The following XIAP variants were observed in gnomAD, a reference collection of about 807,000 sequenced individuals.
The protein encoded by XIAP is E3 ubiquitin-protein ligase XIAP.
In XIAP, 3 loss-of-function variants were observed where a neutral mutation model predicts 33.1. That is an observed-to-expected ratio of 0.09 (90% CI 0.04 to 0.23). XIAP has a LOEUF of 0.23. Ranked by LOEUF, XIAP falls within the 10% of genes least tolerant of loss-of-function variation. The pLI is 1.00. For missense variants in XIAP, 264 were observed against 363.0 expected, an observed-to-expected ratio of 0.73 and a Z score of 2.22; for synonymous variants, 98 against 121.3, an observed-to-expected ratio of 0.81 and a Z score of 1.26.
intron 5 of XIAP, among the ~76,000 whole-genome samples, chrX:123,897,086 C>T (rs991681005): frequency 2.8e-5 from 3 of 108,959 alleles, no homozygotes; most frequent in Admixed American, 9.9e-5. Flanking sequence ...CGTGCACCAC[C>T]ATGCCTGGCT....
At chrX:123,906,865 A>C in intron 6 of XIAP, 123 bp from the exon 7 acceptor site, 1 of 798,277 alleles carries the variant, frequency 1.3e-6, no homozygotes, top group Non-Finnish European at 1.8e-6. Context: ...CGGGTGAGTC[A>C]TCCTCATATC....
At chrX:123,866,352 C>T (rs1021298210) in intron 1 of XIAP, among the ~76,000 whole-genome samples, 13 of 103,664 alleles carry the variant, frequency 1.3e-4, no homozygotes, top group Non-Finnish European at 2.2e-4. Context: ...GGATTACAGG[C>T]ATGAGCCACT....
chrX:123,861,119 T>C (rs1393262150), intron 1 of XIAP, among the ~76,000 whole-genome samples: 1 of 111,637 alleles, frequency 9.0e-6, no homozygotes, highest in Non-Finnish European at 1.9e-5. Flanking sequence ...CATCTTAGAA[T>C]TATAACATTT....
In XIAP at chrX:123,910,182, T is replaced by A. The variant is rs765082277; in HGVS notation, c.*3001T>A. 7.7e-5 allele frequency: 25 copies of A among 326,533 alleles called. No individual in the cohort carries two copies. The highest frequency in any genetic ancestry group is 1.4e-4 in the Non-Finnish European group (23 of 169,352). 26.9% of individuals were successfully genotyped at this position (326,533 alleles called of 1,213,427 possible). ...CTGGTTTTAGCATTTACAAACTAAA[T>A]TCCAGTTAATTAATTAATAGCTTTA... is the stretch of plus-strand genomic sequence containing the variant. On this transcript the variant is annotated 3_prime_UTR_variant, in exon 7 of 7. Transcript: ENST00000371199.
chrX:123,883,710 G>A (rs987156897), intron 1 of XIAP, among the ~76,000 whole-genome samples: 6 of 109,512 alleles, frequency 5.5e-5, no homozygotes, highest in African/African-American at 1.3e-4. Context: ...TGGTCAGGCC[G>A]GTCTCAAACT....
intron 1 of XIAP, among the ~76,000 whole-genome samples, chrX:123,867,223 A>G (rs1419679237): frequency 1.9e-5 from 2 of 104,620 alleles, no homozygotes; most frequent in Non-Finnish European, 3.9e-5. Context: ...GGTGCCCGCC[A>G]CCACGCCTGG....
Position 123,908,491 on chromosome X carries a change from A to G in XIAP, c.*1310A>G, listed in dbSNP as rs1368099569. ...GGTAAAAGTAGAAGCATGTTTGTAC[A>G]CTGCTTGTAGTTATAGTGACAGCTT... On this transcript the variant is annotated 3_prime_UTR_variant, in exon 7 of 7. Transcript: ENST00000371199. 2 of 369,614 alleles carry G rather than the reference A, an allele frequency of 5.4e-6. No individual in the cohort carries two copies. The highest frequency in any genetic ancestry group is 1.2e-4 in the East Asian group (2 of 16,978). The allele number at this position is 369,614 out of a possible 1,213,427, so 30.5% of individuals were successfully genotyped here.
At chrX:123,899,171 T>TTATATATATATA (rs768897140) in intron 5 of XIAP, among the ~76,000 whole-genome samples, 1 of 23,851 alleles carries the variant, frequency 4.2e-5, no homozygotes, top group Non-Finnish European at 7.6e-5. Context: ...ATATATGATT[T>TTATATATATATA]TATATATATA....
rs2148116122 is a variant in XIAP at position 123,911,709 on chromosome X, T to G, written c.*4528T>G. 3.1e-6 allele frequency: 1 copy of G among 326,734 alleles called. No homozygotes were observed. Among genetic ancestry groups the G allele is most frequent in the East Asian group, 9.8e-5 (1 of 10,254 alleles). 26.9% of individuals were successfully genotyped at this position (326,734 alleles called of 1,213,427 possible). ...AATAGGTCAAACCCTTAAAAATATT[T>G]AAATTCTTAAAAAATTGAAAAGATT... On this transcript the variant is annotated 3_prime_UTR_variant, in exon 7 of 7. Coordinates refer to ENST00000371199, the MANE Select transcript of XIAP (RefSeq NM_001167.4).
rs899119343 is a variant in XIAP at position 123,860,106 on chromosome X, G to T, written c.-220G>T. 3.0e-6 allele frequency: 1 copy of T among 328,324 alleles called. No individual in the cohort carries two copies. The highest frequency in any genetic ancestry group is 5.9e-6 in the Non-Finnish European group (1 of 169,735). The allele number at this position is 328,324 out of a possible 1,213,427, so 27.1% of individuals were successfully genotyped here. A position where few individuals can be genotyped will look rare whatever the true frequency, so the allele number is the denominator to read the frequency against. ...TTCACGACTCCGGGTTTCTCCAGGG[G>T]ATGGGCCGGCCGGTAGAGGCGCGTG... On this transcript the variant is annotated 5_prime_UTR_variant, in exon 1 of 7. Coordinates refer to ENST00000371199, the MANE Select transcript of XIAP (RefSeq NM_001167.4).
chrX:123,911,301 A>G lies in XIAP; in HGVS notation c.*4120A>G, dbSNP rs1409504109. On this transcript the variant is annotated 3_prime_UTR_variant, in exon 7 of 7. Coordinates refer to ENST00000371199, the MANE Select transcript of XIAP (RefSeq NM_001167.4). ...GAGACCAGCCTGACCAACATGGAGA[A>G]ACCCCGTCTCTACTAAAAATACAAA... The G allele has an allele frequency of 3.3e-6, 1 of 298,838 alleles. No individual in the cohort carries two copies. Among genetic ancestry groups the G allele is most frequent in the Admixed American group, 3.6e-5 (1 of 27,890 alleles). The allele number at this position is 298,838 out of a possible 1,213,427, so 24.6% of individuals were successfully genotyped here. A position where few individuals can be genotyped will look rare whatever the true frequency, so the allele number is the denominator to read the frequency against.
intron 6 of XIAP, among the ~76,000 whole-genome samples, chrX:123,901,291 G>A (rs2053512281): frequency 9.0e-6 from 1 of 111,570 alleles, no homozygotes; most frequent in African/African-American, 3.3e-5. Context: ...AGGCTGAGCG[G>A]GGAAGATCAC....
chrX:123,880,737 C>T (rs1042123538), intron 1 of XIAP, among the ~76,000 whole-genome samples: 7 of 63,939 alleles, frequency 1.1e-4, no homozygotes, highest in African/African-American at 1.6e-4. Flanking sequence ...AACTCTGTTT[C>T]AAAAAAAAAA....
At chrX:123,880,045 C>T (rs1241999173) in intron 1 of XIAP, among the ~76,000 whole-genome samples, 6 of 110,616 alleles carry the variant, frequency 5.4e-5, no homozygotes, top group East Asian at 5.8e-4. Context: ...ACCCGGGAGG[C>T]GGAGGTTGCA....
chrX:123,886,098 G>A lies in XIAP; in HGVS notation c.436G>A (p.Val146Ile), dbSNP rs2053348780. 3.3e-6 allele frequency: 4 copies of A among 1,210,049 alleles called. No individual in the cohort carries two copies. The highest frequency in any genetic ancestry group is 4.5e-6 in the Non-Finnish European group (4 of 895,324). Residue 146 changes from valine to isoleucine, a missense_variant, in exon 2 of 7, where the codon GTT becomes ATT. Val to Ile is a conservative substitution (Grantham distance 29). Transcript: ENST00000371199. ...AGACTATCTTTTGAGAACTGGGCAG[G>A]TTGTAGATATATCAGACACCATATA... ...HADYLLRTGQVVDISDTIYPR... is the reference protein window; with the variant it reads ...HADYLLRTGQIVDISDTIYPR...
At chrX:123,866,551 AATG>A (rs2053139347) in intron 1 of XIAP, among the ~76,000 whole-genome samples, 1 of 97,144 alleles carries the variant, frequency 1.0e-5, no homozygotes, top group South Asian at 3.9e-4. Context: ...TGTATATAAT[AATG>A]TATGATATAT....
At chrX:123,887,077 G>C (rs1428250569) in intron 2 of XIAP, among the ~76,000 whole-genome samples, 2 of 111,823 alleles carry the variant, frequency 1.8e-5, no homozygotes, top group African/African-American at 6.5e-5. Context: ...GTGCCACCAC[G>C]CCCGGCTAAT....
chrX:123,901,692 AATTAT>A (rs1178937249), intron 6 of XIAP, among the ~76,000 whole-genome samples: 1 of 111,956 alleles, frequency 8.9e-6, no homozygotes, highest in Admixed American at 9.5e-5. Flanking sequence ...TGATATTTAA[AATTAT>A]ATTCATTGAT....
At chrX:123,898,501 T>C (rs2053480682) in intron 5 of XIAP, among the ~76,000 whole-genome samples, 1 of 110,522 alleles carries the variant, frequency 9.0e-6, no homozygotes, top group Non-Finnish European at 1.9e-5. Flanking sequence ...TAGCCGGGAC[T>C]ACAGGCGCCC....
Sources: allele counts gnomAD v4.1 joint callset (sites outside exome capture counted in the v4.1 genomes callset), GRCh38; gene constraint gnomAD v4.1.1; transcripts MANE v1.5; gene names NCBI Gene and HGNC (gene_info 2026-07-23, HGNC 2026-07-21).